The following HECTD4 variants were observed in gnomAD, a reference collection of about 807,000 sequenced individuals.
HECTD4 encodes probable E3 ubiquitin-protein ligase HECTD4.
A neutral mutation model predicts 471.5 loss-of-function variants in HECTD4; 114 were observed. The observed-to-expected ratio is 0.24, with a 90% CI of 0.21 to 0.28. The LOEUF (loss-of-function observed/expected upper bound fraction) is 0.28. Among genes scored for constraint, HECTD4 ranks in the 10% least tolerant of loss-of-function variants. HECTD4 has a pLI of 1.00. For missense variants in HECTD4, 3,866 were observed against 5,651.5 expected, an observed-to-expected ratio of 0.68 and a Z score of 10.13; for synonymous variants, 2,012 against 2,256.0, an observed-to-expected ratio of 0.89 and a Z score of 3.07.
intron 44 of HECTD4, among the ~76,000 whole-genome samples, chr12:112,223,141 G>T (rs1462058611): frequency 1.3e-5 from 2 of 152,122 alleles, no homozygotes; most frequent in Non-Finnish European, 2.9e-5. Context: ...TGCTGTCTGG[G>T]ACCACCCTCT....
At chr12:112,277,749 A>G (rs1282439586) in intron 9 of HECTD4, among the ~76,000 whole-genome samples, 2 of 152,206 alleles carry the variant, frequency 1.3e-5, no homozygotes, top group African/African-American at 2.4e-5. Flanking sequence ...AGTTGATACA[A>G]TATTCAACTA....
rs1593881683 is a variant in HECTD4 at position 112,163,581 on chromosome 12, G to A, written c.12858C>T (p.Arg4286=). Residue 4286 remains arginine, a synonymous_variant, in exon 74 of 76, where the codon CGC becomes CGT. Transcript: ENST00000682272. This position sits in a 1 kb window ranked among gnomAD's most constrained non-coding sequence, Gnocchi z 8.2. ...GGTTGATGTAGGGGAGGCCGCAGGT[G>A]CGCAGCTCCATCTCCAGTGGGCTGA... ...TMLSPLEMEL[R]TCGLPYINLE... The A allele has an allele frequency of 7.9e-6, 12 of 1,511,832 alleles. No homozygotes were observed. The highest frequency in any genetic ancestry group is 1.1e-5 in the Non-Finnish European group (12 of 1,130,342). 93.7% of individuals were successfully genotyped at this position (1,511,832 alleles called of 1,614,324 possible). A position where few individuals can be genotyped will look rare whatever the true frequency, so the allele number is the denominator to read the frequency against.
chr12:112,361,930 T>C (rs1039678513), intron 1 of HECTD4, among the ~76,000 whole-genome samples: 1 of 152,204 alleles, frequency 6.6e-6, no homozygotes, highest in African/African-American at 2.4e-5. Context: ...TGTAAGTACC[T>C]GCTTAACTCC....
chr12:112,343,770 C>T (rs1188674225), intron 1 of HECTD4, among the ~76,000 whole-genome samples: 1 of 151,534 alleles, frequency 6.6e-6, no homozygotes, highest in African/African-American at 2.4e-5. Context: ...GAGACCCCAT[C>T]TCTTGGGAAA....
At chr12:112,346,966 T>C (rs972015189) in intron 1 of HECTD4, among the ~76,000 whole-genome samples, 2 of 152,190 alleles carry the variant, frequency 1.3e-5, no homozygotes, top group Admixed American at 6.5e-5. Context: ...GGAGAATTCA[T>C]GTCCCTCCTA....
At position 112,265,751 on chromosome 12, in the gene HECTD4, C is replaced by T. The variant is rs1051282986; in HGVS notation, c.2498+127G>A. ...TCTATTATCTTTCAACTGGTCCATG[C>T]TTTAGGTTTAACATGCTAACGATCG... On this transcript the variant is annotated intron_variant, in intron 15 of 75. Transcript: ENST00000682272. 12 of 669,786 alleles carry T rather than the reference C, an allele frequency of 1.8e-5. No individual in the cohort carries two copies. In the African/African-American group the frequency reaches 2.2e-4, roughly 12 times the overall value. 41.5% of individuals were successfully genotyped at this position (669,786 alleles called of 1,614,324 possible). A position where few individuals can be genotyped will look rare whatever the true frequency, so the allele number is the denominator to read the frequency against.
At chr12:112,244,967 G>GA (rs1016032258) in intron 29 of HECTD4, among the ~76,000 whole-genome samples, 1 of 151,598 alleles carries the variant, frequency 6.6e-6, no homozygotes, top group Non-Finnish European at 1.5e-5. Flanking sequence ...GAAAGTGCAG[G>GA]AAAAAAAACA....
chr12:112,330,019 A>T (rs1051343644), intron 1 of HECTD4, among the ~76,000 whole-genome samples: 2 of 152,144 alleles, frequency 1.3e-5, no homozygotes, highest in Admixed American at 6.6e-5. Flanking sequence ...GCTCACGCCT[A>T]TAATACCAGC....
intron 54 of HECTD4, chr12:112,201,258 A>C (rs2032419321): frequency 6.6e-6 from 2 of 304,440 alleles, no homozygotes; most frequent in Non-Finnish European, 1.3e-5. Context: ...TGCCCAGCTA[A>C]TTTTTGTATT....
At chr12:112,264,420 C>T (rs2034221710) in intron 16 of HECTD4, among the ~76,000 whole-genome samples, 1 of 152,114 alleles carries the variant, frequency 6.6e-6, no homozygotes, top group Admixed American at 6.6e-5. Context: ...TTTTGGTACA[C>T]AATCCTCACT....
intron 55 of HECTD4, among the ~76,000 whole-genome samples, chr12:112,196,474 T>A (rs144994172): frequency 6.6e-6 from 1 of 152,144 alleles, no homozygotes; most frequent in African/African-American, 2.4e-5. Flanking sequence ...ACAAAGCACA[T>A]GAGGACCACG....
chr12:112,256,625 C>G lies in HECTD4; in HGVS notation c.3129-107G>C, dbSNP rs529295225. ...TTCCACAGCATGCAGTATGATAACA[C>G]TGAGGCTTTTAAATGCTTGATATCA... On this transcript the variant is annotated intron_variant, in intron 20 of 75. Transcript: ENST00000682272. The G allele has an allele frequency of 5.2e-4, 325 of 622,734 alleles. 1 individual carries two copies. The South Asian group carries it at 8.0e-3, about 15-fold the overall frequency. 38.6% of individuals were successfully genotyped at this position (622,734 alleles called of 1,614,324 possible).
rs2032829719 is a variant in HECTD4, at chr12:112,213,665, G to A, written c.7466-1015C>T. ...TGTGCCACTGCACTTCAGCCTGGGC[G>A]ACAGAGCAAGACTCCGTCTCAAAAA... On this transcript the variant is annotated intron_variant, in intron 48 of 75. Transcript: ENST00000682272. This position sits in a 1 kb window ranked among gnomAD's most constrained non-coding sequence, Gnocchi z 4.0. Among the ~76,000 whole-genome samples, 4 of 149,584 alleles carry A rather than the reference G, an allele frequency of 2.7e-5. No individual in the cohort carries two copies. Among genetic ancestry groups the A allele is most frequent in the South Asian group, 2.1e-4 (1 of 4,752 alleles).
rs1201042151 is a variant in HECTD4 at position 112,210,372 on chromosome 12, C to T, written c.7630-120G>A. 1.1e-5 allele frequency: 11 copies of T among 1,013,302 alleles called. No individual in the cohort carries two copies. In the Admixed American group the frequency reaches 1.9e-4, roughly 18 times the overall value. The allele number at this position is 1,013,302 out of a possible 1,614,324, so 62.8% of individuals were successfully genotyped here. A position where few individuals can be genotyped will look rare whatever the true frequency, so the allele number is the denominator to read the frequency against. ...AAGAATAGCCCGAGGTGTGTGCTGG[C>T]ATGAGAAACCAGGTGGGGGCTGGAG... On this transcript the variant is annotated intron_variant, in intron 49 of 75. Transcript: ENST00000682272.
At chr12:112,216,076 C>T (rs941715613) in intron 48 of HECTD4, among the ~76,000 whole-genome samples, 2 of 152,166 alleles carry the variant, frequency 1.3e-5, no homozygotes, top group South Asian at 2.1e-4. Context: ...CAAAAGTACA[C>T]GTAACTCTGG....
chr12:112,351,415 A>G (rs1229812146), intron 1 of HECTD4, among the ~76,000 whole-genome samples: 1 of 152,204 alleles, frequency 6.6e-6, no homozygotes, highest in East Asian at 1.9e-4. Flanking sequence ...TCCTTCTCCT[A>G]TCTCAAAATA....
At chr12:112,186,133 C>A (rs1677444893) in intron 60 of HECTD4, among the ~76,000 whole-genome samples, 1 of 151,712 alleles carries the variant, frequency 6.6e-6, no homozygotes, top group Non-Finnish European at 1.5e-5. Flanking sequence ...AGACCATGCC[C>A]AGCTAATTTT....
At position 112,235,536 on chromosome 12, in the gene HECTD4, A is replaced by G; in HGVS notation, c.5693T>C (p.Leu1898Pro). The G allele has an allele frequency of 6.2e-7, 1 of 1,613,558 alleles. No homozygotes were observed. Among genetic ancestry groups the G allele is most frequent in the Non-Finnish European group, 8.5e-7 (1 of 1,179,670 alleles). Residue 1898 changes from leucine (L) to proline (P), a missense_variant, in exon 36 of 76, where the codon CTC becomes CCC. This residue lies in a region of HECTD4 where 617 missense variants were observed against 915.1 expected (regional missense o/e 0.67). Transcript: ENST00000682272. This position sits in a 1 kb window ranked among gnomAD's most constrained non-coding sequence, Gnocchi z 5.0. ...CACATAATCTGCCAGCTTTGCTAAG[A>G]GCAGGGAGGCGATCTTGGAAGCTGG... ...SDPASKIASLLLAKLADYVVP... is the reference protein window; with the variant it reads ...SDPASKIASLPLAKLADYVVP...
In HECTD4 at chr12:112,163,512, C is replaced by G. The variant is rs534136597; in HGVS notation, c.12897+30G>C. The G allele has an allele frequency of 6.9e-7, 1 of 1,447,220 alleles. No individual in the cohort carries two copies. The highest frequency in any genetic ancestry group is 2.8e-5 in the Admixed American group (1 of 36,052). The allele number at this position is 1,447,220 out of a possible 1,614,324, so 89.6% of individuals were successfully genotyped here. A position where few individuals can be genotyped will look rare whatever the true frequency, so the allele number is the denominator to read the frequency against. On this transcript the variant is annotated intron_variant, in intron 74 of 75. Transcript: ENST00000682272. This position sits in a 1 kb window ranked among gnomAD's most constrained non-coding sequence, Gnocchi z 8.2. The stretch of plus-strand genomic sequence containing the variant: ...GAGGCACGCCTGGGGCTCACCACCT[C>G]CCCGCCCAGCCTGGCCCTGGGATGT...
Sources: allele counts gnomAD v4.1 joint callset (sites outside exome capture counted in the v4.1 genomes callset), GRCh38; gene constraint gnomAD v4.1.1; regional missense constraint gnomAD v4.1.1; non-coding constraint Gnocchi (gnomAD v3.1); transcripts MANE v1.5; gene names NCBI Gene and HGNC (gene_info 2026-07-23, HGNC 2026-07-21).